PDS5B: variants seen among roughly 807,000 people sequenced by gnomAD.
PDS5B encodes the protein PDS5 cohesin associated factor B.
A neutral mutation model predicts 184.1 loss-of-function variants in PDS5B; 51 were observed. The observed-to-expected ratio is 0.28, with a 90% CI of 0.22 to 0.35. The LOEUF (loss-of-function observed/expected upper bound fraction) is 0.35, where lower values mean the gene tolerates loss of function less well. Ranked by LOEUF, PDS5B falls within the 10% of genes least tolerant of loss-of-function variation. PDS5B has a pLI of 1.00. For synonymous variants in PDS5B, 566 were observed against 569.2 expected (o/e 0.99, Z 0.08); for missense variants, 1,180 against 1,723.3 (o/e 0.68, Z 5.58).
At position 32,652,577 on chromosome 13, in the gene PDS5B, T is replaced by TTA. The variant is rs1555295820; in HGVS notation, c.312+570_312+571insTA. ...ACATAGCAAGGCGTTGTCTCTACTT[T>TTA]AAAAAAAAAAAAAAAAAAAAAAAGG... On this transcript the variant is annotated intron_variant, in intron 3 of 34. Transcript: ENST00000315596. 10 of 119,920 alleles carry TTA rather than the reference T, an allele frequency of 8.3e-5. No homozygotes were observed. The South Asian group carries it at 2.3e-3, about 27-fold the overall frequency. The allele number at this position is 119,920 out of a possible 1,614,324, so 7.4% of individuals were successfully genotyped here. A position where few individuals can be genotyped will look rare whatever the true frequency, so the allele number is the denominator to read the frequency against.
intron 19 of PDS5B, among the ~76,000 whole-genome samples, chr13:32,717,018 G>A (rs1167670927): frequency 8.3e-6 from 1 of 120,364 alleles, no homozygotes; most frequent in Non-Finnish European, 1.8e-5. Flanking sequence ...GGAGGGAGGT[G>A]GGGGGGTCAG....
intron 1 of PDS5B, among the ~76,000 whole-genome samples, chr13:32,593,675 G>T (rs1448203053): frequency 6.6e-6 from 1 of 152,194 alleles, no homozygotes; most frequent in East Asian, 1.9e-4. Context: ...CTAGAGAGAA[G>T]ACAATGTTAT....
At chr13:32,638,209 C>T (rs1381329409) in intron 1 of PDS5B, among the ~76,000 whole-genome samples, 4 of 152,356 alleles carry the variant, frequency 2.6e-5, no homozygotes, top group African/African-American at 7.2e-5. Context: ...AGAGCACAAA[C>T]ACTTACTAAA....
At chr13:32,735,132 T>G in intron 20 of PDS5B, 40 bp from the exon 21 acceptor site, 1 of 1,267,554 alleles carries the variant, frequency 7.9e-7, no homozygotes. Context: ...TATTTGTATA[T>G]GTGTAGAGTT....
At chr13:32,662,119 G>A (rs184077883) in intron 6 of PDS5B, among the ~76,000 whole-genome samples, 143 of 152,066 alleles carry the variant, frequency 9.4e-4, no homozygotes, top group Non-Finnish European at 1.3e-3. Flanking sequence ...ACAAAAGGTC[G>A]AATATAAAAG....
At chr13:32,599,354 C>T (rs2057935898) in intron 1 of PDS5B, among the ~76,000 whole-genome samples, 1 of 151,900 alleles carries the variant, frequency 6.6e-6, no homozygotes, top group South Asian at 2.1e-4. Flanking sequence ...ACCTCTGCCT[C>T]CTGGATTCAA....
At chr13:32,709,852 CT>C in intron 18 of PDS5B, 93 bp from the exon 19 acceptor site, 1 of 723,562 alleles carries the variant, frequency 1.4e-6, no homozygotes, top group Non-Finnish European at 2.0e-6. Context: ...TTTTAATAGA[CT>C]TTGATTTATA....
At chr13:32,716,300 C>A (rs1952404786) in intron 19 of PDS5B, among the ~76,000 whole-genome samples, 1 of 151,816 alleles carries the variant, frequency 6.6e-6, no homozygotes, top group African/African-American at 2.4e-5. Context: ...GTGGGGAGCG[C>A]CTCTGCCCTG....
chr13:32,592,008 G>A (rs2057783317), intron 1 of PDS5B, among the ~76,000 whole-genome samples: 2 of 152,120 alleles, frequency 1.3e-5, no homozygotes, highest in African/African-American at 4.8e-5. Context: ...GTAAACATAA[G>A]GTAGAAGAGA....
intron 25 of PDS5B, among the ~76,000 whole-genome samples, chr13:32,754,083 T>A (rs1233691661): frequency 2.0e-5 from 3 of 152,074 alleles, no homozygotes; most frequent in Non-Finnish European, 2.9e-5. Flanking sequence ...GTCACCAAAT[T>A]CTGTTAATTC....
intron 7 of PDS5B, among the ~76,000 whole-genome samples, chr13:32,672,045 G>A (rs1360454667): frequency 3.3e-5 from 5 of 152,184 alleles, no homozygotes; most frequent in African/African-American, 1.2e-4. Context: ...TAGCTATATG[G>A]TAGGGAAAAA....
chr13:32,659,500 T>C (rs1963181006), intron 6 of PDS5B, among the ~76,000 whole-genome samples: 1 of 152,228 alleles, frequency 6.6e-6, no homozygotes, highest in Admixed American at 6.5e-5. Flanking sequence ...ATATTTGTTA[T>C]AATTCAGTTG....
intron 1 of PDS5B, among the ~76,000 whole-genome samples, chr13:32,630,728 A>C (rs1183105120): frequency 6.6e-6 from 1 of 151,552 alleles, no homozygotes; most frequent in African/African-American, 2.4e-5. Context: ...TTTCCACTCA[A>C]ATGTCACCTT....
At chr13:32,619,033 ACTTC>A (rs111836058) in intron 1 of PDS5B, among the ~76,000 whole-genome samples, 7,328 of 152,194 alleles carry the variant, frequency 0.048, 473 homozygotes, top group African/African-American at 0.16. Context: ...GTCATACCAC[ACTTC>A]CTTAATTATT....
chr13:32,732,298 T>C, intron 20 of PDS5B, 74 bp downstream of exon 20: 4 of 1,062,936 alleles, frequency 3.8e-6, no homozygotes, highest in Non-Finnish European at 4.2e-6. Context: ...TTTTATGGAA[T>C]GTTCACATTT....
chr13:32,707,133 G>T (rs946393731), intron 18 of PDS5B, 94 bp downstream of exon 18: 8 of 644,988 alleles, frequency 1.2e-5, no homozygotes, highest in Middle Eastern at 6.0e-4. Context: ...TCTTAAGTTT[G>T]TATAATCCAA....
intron 2 of PDS5B, 144 bp from the exon 3 acceptor site, chr13:32,651,660 G>A (rs1950369174): frequency 1.8e-6 from 1 of 555,334 alleles, no homozygotes; most frequent in South Asian, 2.6e-5. Flanking sequence ...TAGGAGAATT[G>A]TGTTCTCTCA....
In PDS5B at chr13:32,625,439, A is replaced by T. The variant is rs955448558; in HGVS notation, c.-19-23315A>T. On this transcript the variant is annotated intron_variant, in intron 1 of 34. Transcript: ENST00000315596. Reference sequence around the variant, plus strand: ...TTTCATTGTGACAGCACTAAAAATTAAAAAAAAAATTCTTTTGTGTTTTTC... The same window carrying T: ...TTTCATTGTGACAGCACTAAAAATTTAAAAAAAAATTCTTTTGTGTTTTTC... 5.3e-4 allele frequency among the ~76,000 whole-genome samples: 79 copies of T among 149,972 alleles called. 1 individual carries two copies. Among genetic ancestry groups the T allele is most frequent in the South Asian group, 2.1e-4 (1 of 4,760 alleles).
intron 1 of PDS5B, among the ~76,000 whole-genome samples, chr13:32,612,100 TTTTA>T (rs2140511747): frequency 6.6e-6 from 1 of 152,258 alleles, no homozygotes; most frequent in East Asian, 1.9e-4. Context: ...CTGTGCATCT[TTTTA>T]AAGATTTAAC....
Sources: allele counts gnomAD v4.1 joint callset (sites outside exome capture counted in the v4.1 genomes callset), GRCh38; gene constraint gnomAD v4.1.1; transcripts MANE v1.5; gene names NCBI Gene and HGNC (gene_info 2026-07-23, HGNC 2026-07-21).